GRM8: variants seen among roughly 807,000 people sequenced by gnomAD.
GRM8 encodes the protein glutamate metabotropic receptor 8.
Under a neutral mutation model 87.2 loss-of-function variants are expected in GRM8, and 47 were observed. That is an observed-to-expected ratio of 0.54 (90% CI 0.43 to 0.69). The LOEUF (loss-of-function observed/expected upper bound fraction) is 0.69, where lower values mean the gene tolerates loss of function less well. GRM8 is among the 30% of genes least tolerant of loss of function. The pLI is 0.00. For synonymous variants in GRM8, 396 were observed against 404.5 expected, an observed-to-expected ratio of 0.98 and a Z score of 0.25; for missense variants, 1,019 against 1,139.2, an observed-to-expected ratio of 0.89 and a Z score of 1.52.
intron 2 of GRM8, among the ~76,000 whole-genome samples, chr7:127,170,314 C>T (rs888610074): frequency 5.9e-5 from 9 of 152,014 alleles, no homozygotes; most frequent in African/African-American, 9.7e-5. Context: ...CTGCAAGAAT[C>T]GCCATACTCA....
In GRM8 at chr7:127,216,275, T is replaced by G. The variant is rs528975726; in HGVS notation, c.510+26420A>C. ...GGCTCACGCCTGTAATCTCAGCACTTTGGGAGGCCGAGGCGGGAGGATCAC... is the reference window on the plus strand; with the variant it reads ...GGCTCACGCCTGTAATCTCAGCACTGTGGGAGGCCGAGGCGGGAGGATCAC... On this transcript the variant is annotated intron_variant, in intron 2 of 10. Coordinates refer to ENST00000339582, the MANE Select transcript of GRM8 (RefSeq NM_000845.3). 2.6e-5 allele frequency among the ~76,000 whole-genome samples: 4 copies of G among 152,096 alleles called. No homozygotes were observed. The East Asian group carries it at 7.7e-4, about 29-fold the overall frequency.
At chr7:126,913,652 C>T (rs1803545498) in intron 3 of GRM8, among the ~76,000 whole-genome samples, 1 of 152,164 alleles carries the variant, frequency 6.6e-6, no homozygotes, top group African/African-American at 2.4e-5. Context: ...TTTCTGAAGA[C>T]ATAAGTGAAC....
chr7:126,657,155 C>A (rs1375763331), intron 7 of GRM8, among the ~76,000 whole-genome samples: 1 of 150,826 alleles, frequency 6.6e-6, no homozygotes, highest in Non-Finnish European at 1.5e-5. Context: ...GAGATCAAGT[C>A]AGGTTGTGCC....
intron 9 of GRM8, among the ~76,000 whole-genome samples, chr7:126,495,186 A>T (rs1808555213): frequency 6.6e-6 from 1 of 151,992 alleles, no homozygotes; most frequent in African/African-American, 2.4e-5. Context: ...CCATGGCATG[A>T]AGTTAGGCAT....
intron 7 of GRM8, among the ~76,000 whole-genome samples, chr7:126,736,622 A>G (rs1286297061): frequency 6.6e-6 from 1 of 152,052 alleles, no homozygotes. Flanking sequence ...TTGCTACTGT[A>G]TTTCCTCTGA....
intron 7 of GRM8, among the ~76,000 whole-genome samples, chr7:126,696,736 AAGAC>A (rs1341237213): frequency 1.3e-5 from 2 of 152,190 alleles, no homozygotes; most frequent in African/African-American, 4.8e-5. Context: ...TGCCAAAACA[AAGAC>A]AGACAGAGGC....
chr7:126,999,072 G>A (rs1813462410), intron 3 of GRM8, among the ~76,000 whole-genome samples: 1 of 151,718 alleles, frequency 6.6e-6, no homozygotes, highest in Non-Finnish European at 1.5e-5. Flanking sequence ...CTAGACCAAT[G>A]GAACAGAATA....
chr7:126,758,273 T>C (rs967865314), intron 7 of GRM8, among the ~76,000 whole-genome samples: 1 of 152,220 alleles, frequency 6.6e-6, no homozygotes, highest in African/African-American at 2.4e-5. Context: ...TGTTAAGTTC[T>C]TAAGCACGAA....
intron 2 of GRM8, among the ~76,000 whole-genome samples, chr7:127,130,795 G>A (rs1827646606): frequency 6.6e-6 from 1 of 152,100 alleles, no homozygotes; most frequent in Admixed American, 6.6e-5. Context: ...CCCACATGCT[G>A]TTTTTATGAT....
intron 6 of GRM8, among the ~76,000 whole-genome samples, chr7:126,806,836 G>A (rs1266553533): frequency 3.9e-5 from 6 of 152,186 alleles, no homozygotes; most frequent in Non-Finnish European, 7.4e-5. Context: ...ACCCGGAACC[G>A]CGCCGGTGGC....
At chr7:127,059,654 G>C (rs1052002444) in intron 3 of GRM8, among the ~76,000 whole-genome samples, 1 of 152,034 alleles carries the variant, frequency 6.6e-6, no homozygotes, top group African/African-American at 2.4e-5. Context: ...TGATTTTTAA[G>C]AGGTACTGAC....
At chr7:126,925,636 G>T (rs996805622) in intron 3 of GRM8, among the ~76,000 whole-genome samples, 1 of 152,072 alleles carries the variant, frequency 6.6e-6, no homozygotes, top group Admixed American at 6.5e-5. Flanking sequence ...TTATTAATGT[G>T]CATGTACTTT....
chr7:126,477,561 GAGAA>G (rs200275088), intron 9 of GRM8, among the ~76,000 whole-genome samples: 1,809 of 114,354 alleles, frequency 0.016, 48 homozygotes, highest in African/African-American at 0.05. Flanking sequence ...GGAGAAGTAA[GAGAA>G]AGAAAGAAAG....
At chr7:126,649,484 C>T (rs951787184) in intron 7 of GRM8, among the ~76,000 whole-genome samples, 1 of 152,120 alleles carries the variant, frequency 6.6e-6, no homozygotes, top group East Asian at 1.9e-4. Context: ...TTGCAGAGAG[C>T]CTGTTGAGGG....
chr7:126,697,102 G>T (rs1397584969), intron 7 of GRM8, among the ~76,000 whole-genome samples: 1 of 150,504 alleles, frequency 6.6e-6, no homozygotes, highest in African/African-American at 2.5e-5. Context: ...AAGACATTAT[G>T]CTAAGTGAAA....
chr7:126,638,412 G>T (rs3808158), intron 7 of GRM8, among the ~76,000 whole-genome samples: 8,794 of 152,270 alleles, frequency 0.058, 556 homozygotes, highest in East Asian at 0.31. Context: ...AAATGCAAAA[G>T]AATTATTGCT....
intron 8 of GRM8, among the ~76,000 whole-genome samples, chr7:126,571,744 T>G (rs902183115): frequency 2.1e-5 from 3 of 146,056 alleles, no homozygotes; most frequent in African/African-American, 7.6e-5. Flanking sequence ...TATACAGGAT[T>G]TTTTTTTTTT....
At chr7:126,988,074 TAAA>T (rs5887321) in intron 3 of GRM8, among the ~76,000 whole-genome samples, 3 of 148,220 alleles carry the variant, frequency 2.0e-5, no homozygotes, top group African/African-American at 7.4e-5. Flanking sequence ...GCTCTTCGTT[TAAA>T]AAAAAAAAAT....
chr7:126,983,165 T>A (rs1180432343), intron 3 of GRM8, among the ~76,000 whole-genome samples: 1 of 152,106 alleles, frequency 6.6e-6, no homozygotes, highest in Non-Finnish European at 1.5e-5. Flanking sequence ...TCTCCTGGTG[T>A]TCCTCCCTCT....
Sources: gnomAD v4.1 joint callset for allele counts (sites outside exome capture counted in the v4.1 genomes callset) on GRCh38, gnomAD v4.1.1 for gene constraint, MANE v1.5 for transcripts, NCBI Gene and HGNC (gene_info 2026-07-23, HGNC 2026-07-21) for gene names.